NFATC1: variants seen among roughly 807,000 people sequenced by gnomAD.
The protein encoded by NFATC1 is nuclear factor of activated T cells 1.
A neutral mutation model predicts 76.0 loss-of-function variants in NFATC1; 22 were observed. That is an observed-to-expected ratio of 0.29 (90% confidence interval 0.21 to 0.41). The LOEUF is 0.41. Among genes scored for constraint, NFATC1 ranks in the 10% least tolerant of loss-of-function variants. The pLI, the probability that NFATC1 is intolerant of heterozygous loss-of-function variation, is 1.00. For synonymous variants in NFATC1, 704 were observed against 613.1 expected (o/e 1.15, Z -2.19); for missense variants, 1,357 against 1,337.7 (o/e 1.01, Z -0.23).
chr18:79,506,431 G>C (rs1027259842), intron 9 of NFATC1, among the ~76,000 whole-genome samples: 23 of 152,200 alleles, frequency 1.5e-4, no homozygotes, highest in Non-Finnish European at 3.2e-4. Context: ...CACCTGCTCT[G>C]ATATGCCCTC....
At chr18:79,472,745 G>A (rs926710722) in intron 8 of NFATC1, among the ~76,000 whole-genome samples, 2 of 151,920 alleles carry the variant, frequency 1.3e-5, no homozygotes, top group African/African-American at 2.4e-5. Flanking sequence ...CATGGCTCCC[G>A]CCTTCCCTCA....
At chr18:79,507,126 G>C (rs1318425819) in intron 9 of NFATC1, among the ~76,000 whole-genome samples, 1 of 152,226 alleles carries the variant, frequency 6.6e-6, no homozygotes, top group Non-Finnish European at 1.5e-5. Context: ...CTGCGGGGAG[G>C]GGGTTATCAG....
intron 1 of NFATC1, among the ~76,000 whole-genome samples, chr18:79,401,164 T>C (rs1231739487): frequency 1.5e-5 from 2 of 130,630 alleles, no homozygotes. Context: ...CCTGGGCCCC[T>C]CTCCCGCTGC....
At chr18:79,471,898 C>T (rs966955696) in intron 8 of NFATC1, among the ~76,000 whole-genome samples, 2 of 152,228 alleles carry the variant, frequency 1.3e-5, no homozygotes, top group African/African-American at 4.8e-5. Flanking sequence ...GAAGGGAAGA[C>T]GCGCTTCCCT....
intron 3 of NFATC1, among the ~76,000 whole-genome samples, chr18:79,443,468 C>T (rs997652348): frequency 2.0e-5 from 3 of 152,330 alleles, no homozygotes; most frequent in African/African-American, 4.8e-5. Context: ...ATGGACACGT[C>T]GTCCTGTTCC....
At chr18:79,442,800 A>C (rs563274212) in intron 3 of NFATC1, among the ~76,000 whole-genome samples, 4 of 152,238 alleles carry the variant, frequency 2.6e-5, no homozygotes, top group African/African-American at 9.6e-5. Context: ...CCCGGAGCTC[A>C]GCTCTGAGCA....
chr18:79,515,786 C>T (rs2090367674), intron 9 of NFATC1: 1 of 151,950 alleles, frequency 6.6e-6, no homozygotes, highest in Non-Finnish European at 1.5e-5. Context: ...TTCACTTTAT[C>T]TTTATTAAAA....
intron 2 of NFATC1, among the ~76,000 whole-genome samples, chr18:79,417,234 GTGGGAGATGGGCTGTGGTGGGAGA>G (rs2085910370): frequency 8.2e-6 from 1 of 121,740 alleles, no homozygotes; most frequent in Non-Finnish European, 1.8e-5. Context: ...ATGGGCTGTG[GTGGGAGATGGGCTGTGGTGGGAGA>G]TGGGAGATGG....
chr18:79,499,953 A>G (rs950442813), intron 9 of NFATC1, among the ~76,000 whole-genome samples: 7 of 152,220 alleles, frequency 4.6e-5, no homozygotes, highest in Admixed American at 6.5e-5. Context: ...ACATTTGCAC[A>G]TAACAGAGCC....
intron 9 of NFATC1, among the ~76,000 whole-genome samples, chr18:79,505,588 A>T (rs890173661): frequency 1.1e-5 from 1 of 89,676 alleles, no homozygotes; most frequent in African/African-American, 5.5e-5. Flanking sequence ...GAGGTGGTGG[A>T]TGAGACCCTT....
intron 8 of NFATC1, among the ~76,000 whole-genome samples, chr18:79,475,341 C>T (rs1355720890): frequency 7.0e-6 from 1 of 143,236 alleles, no homozygotes; most frequent in Non-Finnish European, 1.5e-5. Context: ...TCACTGTCAA[C>T]GTTGTGAGGG....
At chr18:79,509,245 C>A (rs2090188392) in intron 9 of NFATC1, among the ~76,000 whole-genome samples, 1 of 152,232 alleles carries the variant, frequency 6.6e-6, no homozygotes, top group African/African-American at 2.4e-5. Flanking sequence ...TCTCTAGCTG[C>A]CTTCAAGGCG....
At chr18:79,414,754 T>C (rs1390118106) in intron 2 of NFATC1, among the ~76,000 whole-genome samples, 1 of 151,302 alleles carries the variant, frequency 6.6e-6, no homozygotes, top group East Asian at 1.9e-4. Context: ...CAGAAAGGAG[T>C]GGTTTTCTTC....
At chr18:79,442,318 C>T (rs890466147) in intron 3 of NFATC1, among the ~76,000 whole-genome samples, 8 of 152,248 alleles carry the variant, frequency 5.3e-5, no homozygotes, top group African/African-American at 1.9e-4. Context: ...TCCACCCTCG[C>T]CGAGGCGTCG....
At chr18:79,487,856 G>A (rs973079975) in intron 9 of NFATC1, among the ~76,000 whole-genome samples, 5 of 152,284 alleles carry the variant, frequency 3.3e-5, no homozygotes, top group African/African-American at 7.2e-5. Context: ...GTGACCACGC[G>A]TTAGAGGGCG....
At chr18:79,458,243 C>A (rs542999733) in intron 6 of NFATC1, among the ~76,000 whole-genome samples, 1 of 151,478 alleles carries the variant, frequency 6.6e-6, no homozygotes, top group Admixed American at 6.6e-5. Context: ...ATGGATGAGA[C>A]GCCCCAGGGA....
chr18:79,459,776 C>G (rs541683663), intron 6 of NFATC1, among the ~76,000 whole-genome samples: 2 of 152,234 alleles, frequency 1.3e-5, no homozygotes, highest in Non-Finnish European at 2.9e-5. Context: ...TCAAAAGGTG[C>G]CAAACAACCA....
chr18:79,464,250 T>C (rs1001634902), intron 7 of NFATC1, among the ~76,000 whole-genome samples: 2 of 152,152 alleles, frequency 1.3e-5, no homozygotes, highest in African/African-American at 4.8e-5. Context: ...CCACTATGCC[T>C]GGCTAATGTT....
In NFATC1 at chr18:79,470,091, C is replaced by T. The variant is rs903613944; in HGVS notation, c.2092+2509C>T. 24 of 794,996 alleles carry T rather than the reference C, an allele frequency of 3.0e-5. 1 individual carries two copies. Among genetic ancestry groups the T allele is most frequent in the South Asian group, 5.7e-5 (1 of 17,610 alleles). 49.2% of individuals were successfully genotyped at this position (794,996 alleles called of 1,614,324 possible). A position where few individuals can be genotyped will look rare whatever the true frequency, so the allele number is the denominator to read the frequency against. ...CAACCCCGGCTGGGTCTGAGGACGC[C>T]GAGGCCGCTCCAGGACCTGCGTCCT... is the stretch of plus-strand genomic sequence containing the variant. On this transcript the variant is annotated intron_variant, in intron 8 of 9. Transcript: ENST00000427363.
Sources: gnomAD v4.1 joint callset for allele counts (sites outside exome capture counted in the v4.1 genomes callset) on GRCh38, gnomAD v4.1.1 for gene constraint, MANE v1.5 for transcripts, NCBI Gene and HGNC (gene_info 2026-07-23, HGNC 2026-07-21) for gene names.